Variants in ART4 observed in about 807,000 individuals in gnomAD.
ART4 encodes ADP-ribosyltransferase 4 (inactive) (Dombrock blood group).
A neutral mutation model predicts 24.2 loss-of-function variants in ART4; 14 were observed. The ratio of observed to expected loss-of-function variants is 0.58; its 90% CI spans 0.38 to 0.90. The LOEUF (loss-of-function observed/expected upper bound fraction) is 0.90. ART4 is among the 40% of genes least tolerant of loss of function. The pLI, the probability that ART4 is intolerant of heterozygous loss-of-function variation, is 0.00. For synonymous variants in ART4, 145 were observed against 139.9 expected (o/e 1.04, Z -0.26); for missense variants, 356 against 366.6 (o/e 0.97, Z 0.24).
chr12:14,836,978 TG>T (rs1950435305), intron 2 of ART4, among the ~76,000 whole-genome samples: 1 of 152,128 alleles, frequency 6.6e-6, no homozygotes, highest in South Asian at 2.1e-4. Context: ...TCTTGCACTT[TG>T]GGGCCATTAT....
intron 2 of ART4, among the ~76,000 whole-genome samples, chr12:14,832,127 C>G (rs546703313): frequency 6.6e-6 from 1 of 152,260 alleles, no homozygotes; most frequent in Non-Finnish European, 1.5e-5. Flanking sequence ...TTGACACAAT[C>G]TTCTATGTTT....
Position 14,840,759 on chromosome 12 carries a change from G to C in ART4, c.539C>G (p.Thr180Ser), listed in dbSNP as rs1258551667. The C allele has an allele frequency of 6.2e-7, 1 of 1,614,042 alleles. No homozygotes were observed. The highest frequency in any genetic ancestry group is 1.3e-5 in the African/African-American group (1 of 74,920). The change falls in exon 2 of 3, where the codon ACT (threonine) becomes AGT (serine). Residue 180 changes from threonine (T) to serine (S), a missense_variant. By Grantham distance (58) the Thr-to-Ser change is moderately conservative. Coordinates refer to ENST00000228936, the MANE Select transcript of ART4 (RefSeq NM_021071.4). ...CCTATAATGCACCTCATAGCACAGA[G>C]TGCCATTCTCCATGATGCTGTCTTT... Reference protein sequence around the residue: ...LRKDSIMENGTLCYEVHYRTK... With the variant: ...LRKDSIMENGSLCYEVHYRTK...
rs1314983988 is a variant in ART4 at position 14,828,174 on chromosome 12, A to G, written c.*1197T>C. ...CATGTACTAGTTTACATGTAATGAG[A>G]CCTCGCTATATTGCTGATATTTGTT... On this transcript the variant is annotated 3_prime_UTR_variant, in exon 3 of 3. Transcript: ENST00000228936. 6.6e-6 allele frequency: 1 copy of G among 152,082 alleles called. No individual in the cohort carries two copies. The highest frequency in any genetic ancestry group is 1.9e-4 in the East Asian group (1 of 5,196). The allele number at this position is 152,082 out of a possible 1,614,324, so 9.4% of individuals were successfully genotyped here.
In ART4 at chr12:14,829,238, C is replaced by T. The variant is rs1950377354; in HGVS notation, c.*133G>A. 1.7e-6 allele frequency: 1 copy of T among 584,800 alleles called. No homozygotes were observed. The highest frequency in any genetic ancestry group is 2.8e-6 in the Non-Finnish European group (1 of 352,940). 36.2% of individuals were successfully genotyped at this position (584,800 alleles called of 1,614,324 possible). On this transcript the variant is annotated 3_prime_UTR_variant, in exon 3 of 3. Coordinates refer to ENST00000228936, the MANE Select transcript of ART4 (RefSeq NM_021071.4). ...ATAAGAGAATTAGCAAAGAGGAGGC[C>T]ATGCACTGGTTTCAGCAGAAGTATG...
intron 2 of ART4, among the ~76,000 whole-genome samples, chr12:14,831,271 ATTTT>A (rs35715515): frequency 2.2e-5 from 3 of 133,422 alleles, no homozygotes; most frequent in East Asian, 2.2e-4. Flanking sequence ...TTCCTTCTCC[ATTTT>A]TTTTTTTTTT....
rs373370107 is a variant in ART4, at chr12:14,840,815, G to A, written c.483C>T (p.Tyr161=). 6.2e-7 allele frequency: 1 copy of A among 1,614,108 alleles called. No individual in the cohort carries two copies. The highest frequency in any genetic ancestry group is 1.3e-5 in the African/African-American group (1 of 74,938). The part of the protein sequence containing the change: ...ERSFHFKYLH[Y]YLTSAIQLLR... ...GCAGCTGGATTGCTGAGGTGAGGTA[G>A]TAGTGTAAATATTTGAAGTGGAATG... The change falls in exon 2 of 3, where the codon TAC becomes TAT. Residue 161 remains tyrosine (Y), a synonymous_variant. Coordinates refer to ENST00000228936, the MANE Select transcript of ART4 (RefSeq NM_021071.4).
rs931916068 is a variant in ART4 at position 14,826,011 on chromosome 12, A to G, written c.*3360T>C. 1 of 152,218 alleles carries G rather than the reference A, an allele frequency of 6.6e-6. No individual in the cohort carries two copies. The highest frequency in any genetic ancestry group is 1.5e-5 in the Non-Finnish European group (1 of 68,036). 9.4% of individuals were successfully genotyped at this position (152,218 alleles called of 1,614,324 possible). Reference sequence around the variant, plus strand: ...AGGACATAAGTACTCCTTACAGCACAGTCTCTGTTAACAGTTGCATGAATT... The same window carrying G: ...AGGACATAAGTACTCCTTACAGCACGGTCTCTGTTAACAGTTGCATGAATT... On this transcript the variant is annotated 3_prime_UTR_variant, in exon 3 of 3. Transcript: ENST00000228936.
In ART4 at chr12:14,826,102, G is replaced by T. The variant is rs1266590449; in HGVS notation, c.*3269C>A. On this transcript the variant is annotated 3_prime_UTR_variant, in exon 3 of 3. Transcript: ENST00000228936. Reference sequence around the variant, plus strand: ...CCAGGCTAACAAATTTATCCCAGCAGAAATTACAGTGAAATTTCTAAAACT... The same window carrying T: ...CCAGGCTAACAAATTTATCCCAGCATAAATTACAGTGAAATTTCTAAAACT... 1 of 152,170 alleles carries T rather than the reference G, an allele frequency of 6.6e-6. No individual in the cohort carries two copies. The highest frequency in any genetic ancestry group is 1.5e-5 in the Non-Finnish European group (1 of 68,022). 9.4% of individuals were successfully genotyped at this position (152,170 alleles called of 1,614,324 possible). A position where few individuals can be genotyped will look rare whatever the true frequency, so the allele number is the denominator to read the frequency against.
At chr12:14,833,496 C>T (rs891922333) in intron 2 of ART4, among the ~76,000 whole-genome samples, 3 of 152,188 alleles carry the variant, frequency 2.0e-5, no homozygotes, top group African/African-American at 7.2e-5. Context: ...TGAATCTCAG[C>T]ATTCACATCA....
In ART4 at chr12:14,827,251, C is replaced by G. The variant is rs995078710; in HGVS notation, c.*2120G>C. 3.3e-5 allele frequency: 5 copies of G among 152,080 alleles called. No individual in the cohort carries two copies. Among genetic ancestry groups the G allele is most frequent in the African/African-American group, 1.2e-4 (5 of 41,386 alleles). The allele number at this position is 152,080 out of a possible 1,614,324, so 9.4% of individuals were successfully genotyped here. A position where few individuals can be genotyped will look rare whatever the true frequency, so the allele number is the denominator to read the frequency against. ...ACTTAAGATGTTGGGTGGCTTTTAC[C>G]AACATAGCATGTCATTACTGACTCA... On this transcript the variant is annotated 3_prime_UTR_variant, in exon 3 of 3. Transcript: ENST00000228936.
chr12:14,841,485 T>C (rs1863052036), intron 1 of ART4, among the ~76,000 whole-genome samples: 1 of 152,242 alleles, frequency 6.6e-6, no homozygotes, highest in Non-Finnish European at 1.5e-5. Flanking sequence ...TTAATTACAC[T>C]TTCTGTTTCC....
chr12:14,838,739 C>A (rs1348578555), intron 2 of ART4, among the ~76,000 whole-genome samples: 2 of 152,108 alleles, frequency 1.3e-5, no homozygotes, highest in African/African-American at 4.8e-5. Context: ...AACACTTTTG[C>A]AACACTACTG....
chr12:14,837,389 A>G (rs1176577685), intron 2 of ART4, among the ~76,000 whole-genome samples: 1 of 152,168 alleles, frequency 6.6e-6, no homozygotes, highest in Non-Finnish European at 1.5e-5. Context: ...AGGTATATTC[A>G]CCATCATTCA....
At position 14,840,742 on chromosome 12, in the gene ART4, G is replaced by T. The variant is rs567116903; in HGVS notation, c.556C>A (p.His186Asn). Residue 186 changes from histidine (H) to asparagine (N), a missense_variant, in exon 2 of 3, where the codon CAT becomes AAT. Coordinates refer to ENST00000228936, the MANE Select transcript of ART4 (RefSeq NM_021071.4). Reference sequence around the variant, plus strand: ...AAGTGGACATCCTTCGTCCTATAATGCACCTCATAGCACAGAGTGCCATTC... The same window carrying T: ...AAGTGGACATCCTTCGTCCTATAATTCACCTCATAGCACAGAGTGCCATTC... ...MENGTLCYEV[H>N]YRTKDVHFNA... is the part of the protein sequence containing the mutation. 2 of 1,614,138 alleles carry T rather than the reference G, an allele frequency of 1.2e-6. No homozygotes were observed. Among genetic ancestry groups the T allele is most frequent in the South Asian group, 2.2e-5 (2 of 91,078 alleles).
intron 2 of ART4, among the ~76,000 whole-genome samples, chr12:14,832,671 G>C (rs995981275): frequency 6.6e-6 from 1 of 152,100 alleles, no homozygotes; most frequent in Admixed American, 6.6e-5. Flanking sequence ...CTGATTTGTT[G>C]AATGAATGAA....
At chr12:14,834,969 CATAAATTG>C in intron 2 of ART4, among the ~76,000 whole-genome samples, 1 of 152,304 alleles carries the variant, frequency 6.6e-6, no homozygotes, top group South Asian at 2.1e-4. Context: ...CTGATTTTAG[CATAAATTG>C]AAGGACTGGA....
intron 2 of ART4, among the ~76,000 whole-genome samples, chr12:14,835,111 G>A (rs1244537969): frequency 6.6e-6 from 1 of 152,202 alleles, no homozygotes; most frequent in Admixed American, 6.5e-5. Flanking sequence ...GGGAACAGGA[G>A]AGAAAACATA....
In ART4 at chr12:14,835,200, G is replaced by C. The variant is rs570968506; in HGVS notation, c.853+5245C>G. ...CTCATGAAACAAAACGAAGCTGAAA[G>C]AATGAGAAATAGTGTCCAGAGAAGA... On this transcript the variant is annotated intron_variant, in intron 2 of 2. Coordinates refer to ENST00000228936, the MANE Select transcript of ART4 (RefSeq NM_021071.4). Among the ~76,000 whole-genome samples, 8 of 152,314 alleles carry C rather than the reference G, an allele frequency of 5.3e-5. No homozygotes were observed. The South Asian group carries it at 1.0e-3, about 20-fold the overall frequency.
At chr12:14,830,649 GTATATATATATATATA>G (rs3084548) in intron 2 of ART4, among the ~76,000 whole-genome samples, 681 of 25,946 alleles carry the variant, frequency 0.026, 25 homozygotes, top group African/African-American at 0.058. Context: ...CTGTATGTAT[GTATATATATATATATA>G]TATATATATA....
Sources: gnomAD v4.1 joint callset for allele counts (sites outside exome capture counted in the v4.1 genomes callset) on GRCh38, gnomAD v4.1.1 for gene constraint, MANE v1.5 for transcripts, NCBI Gene and HGNC (gene_info 2026-07-23, HGNC 2026-07-21) for gene names.